SALL3: variants seen among roughly 807,000 people sequenced by gnomAD.
SALL3 encodes sal-like protein 3.
In SALL3, 25 loss-of-function variants were observed where a neutral mutation model predicts 66.2. That is an observed-to-expected ratio of 0.38 (90% CI 0.28 to 0.53). SALL3 has a LOEUF of 0.53. SALL3 is among the 20% of genes least tolerant of loss of function. SALL3 has a pLI of 0.85. For missense variants in SALL3, 2,194 were observed against 1,916.5 expected (o/e 1.14, Z -2.70); for synonymous variants, 1,152 against 899.1 (o/e 1.28, Z -5.03).
intron 1 of SALL3, among the ~76,000 whole-genome samples, chr18:78,985,497 G>A (rs759199753): frequency 3.9e-5 from 6 of 152,176 alleles, no homozygotes; most frequent in Non-Finnish European, 5.9e-5. Context: ...CTGTATACGT[G>A]CAGAGTCACT....
chr18:78,983,998 G>A (rs1337357240), intron 1 of SALL3, among the ~76,000 whole-genome samples: 1 of 152,164 alleles, frequency 6.6e-6, no homozygotes, highest in Admixed American at 6.5e-5. Context: ...AACAGTTCTC[G>A]AATTTTATGT....
In SALL3 at chr18:78,997,289, T is replaced by A. The variant is rs1490444690; in HGVS notation, c.3870T>A (p.Phe1290Leu). ...ETAASRPFTR[F>L]IEDNKEIGIN ...CAGCCAGCCGCCCATTCACGCGGTT[T>A]ATCGAGGATAACAAGGAGATTGGTA... The change falls in exon 3 of 3, where the codon TTT (phenylalanine) becomes TTA (leucine). Residue 1290 changes from phenylalanine (F) to leucine (L), a missense_variant. Physicochemically the swap from Phe to Leu is conservative, Grantham distance 22. Transcript: ENST00000537592. The A allele has an allele frequency of 6.8e-6, 11 of 1,613,872 alleles. No individual in the cohort carries two copies. The East Asian group carries it at 2.5e-4, about 36-fold the overall frequency.
Position 78,983,882 on chromosome 18 carries a change from AAAC to A in SALL3, c.82+3531_82+3533del, listed in dbSNP as rs577565725. ...AAGACTTTGCCAACATTTCTTTTAAAAACAACATTAAAAAACTTAACCTATTTA... is the reference window on the plus strand; with the variant it reads ...AAGACTTTGCCAACATTTCTTTTAAAAACATTAAAAAACTTAACCTATTTA... On this transcript the variant is annotated intron_variant, in intron 1 of 2. Coordinates refer to ENST00000537592, the MANE Select transcript of SALL3 (RefSeq NM_171999.4). Among the ~76,000 whole-genome samples the A allele has an allele frequency of 2.4e-3, 368 of 152,340 alleles. 4 individuals carry two copies. The highest frequency in any genetic ancestry group is 8.4e-3 in the African/African-American group (349 of 41,574).
In SALL3 at chr18:78,992,940, G is replaced by C. The variant is rs917787233; in HGVS notation, c.949G>C (p.Ala317Pro). 2.0e-5 allele frequency: 21 copies of C among 1,064,196 alleles called. No homozygotes were observed. In the African/African-American group the frequency reaches 3.1e-4, roughly 16 times the overall value. The allele number at this position is 1,064,196 out of a possible 1,614,324, so 65.9% of individuals were successfully genotyped here. ...CAGCGCGCCCGCCGCCCCCAGCGCC[G>C]CCCCTGCCCCCGCTGCCCCCGCCCC... ...EPSAPAAPSAAPAPAAPAPAP... is the reference protein window; with the variant it reads ...EPSAPAAPSAPPAPAAPAPAP... The change falls in exon 2 of 3, where the codon GCC (alanine) becomes CCC (proline). Residue 317 changes from alanine to proline, a missense_variant. Physicochemically the swap from Ala to Pro is conservative, Grantham distance 27. Transcript: ENST00000537592.
chr18:78,993,605 C>T lies in SALL3; in HGVS notation c.1614C>T (p.His538=), dbSNP rs773279214. 1 of 1,585,380 alleles carries T rather than the reference C, an allele frequency of 6.3e-7. No individual in the cohort carries two copies. Among genetic ancestry groups the T allele is most frequent in the Non-Finnish European group, 8.5e-7 (1 of 1,173,130 alleles). The change falls in exon 2 of 3, where the codon CAC becomes CAT. Residue 538 remains histidine (H), a synonymous_variant. Coordinates refer to ENST00000537592, the MANE Select transcript of SALL3 (RefSeq NM_171999.4). Reference sequence around the variant, plus strand: ...TGCCGCCCACTGTCCCTGGCGCGCACGGCTACGCCGACTCTCCCAGCGCCA... The same window carrying T: ...TGCCGCCCACTGTCCCTGGCGCGCATGGCTACGCCGACTCTCCCAGCGCCA... ...LQLPPTVPGA[H]GYADSPSATP...
rs1599178664 is a variant in SALL3 at position 78,992,666 on chromosome 18, G to C, written c.675G>C (p.Gln225His). ...QQIHQLQLIE[Q>H]IRSQVALMQR... ...TCCACCAGCTGCAGCTCATCGAGCA[G>C]ATCCGCAGCCAGGTGGCCCTCATGC... is the stretch of plus-strand genomic sequence containing the variant. The change falls in exon 2 of 3, where the codon CAG becomes CAC. Residue 225 changes from glutamine to histidine, a missense_variant. Gln to His is a conservative substitution (Grantham distance 24). Coordinates refer to ENST00000537592, the MANE Select transcript of SALL3 (RefSeq NM_171999.4). The C allele has an allele frequency of 1.3e-6, 2 of 1,541,430 alleles. No homozygotes were observed. Among genetic ancestry groups the C allele is most frequent in the Non-Finnish European group, 1.7e-6 (2 of 1,149,672 alleles).
chr18:78,983,344 G>C (rs919633553), intron 1 of SALL3, among the ~76,000 whole-genome samples: 4 of 152,000 alleles, frequency 2.6e-5, no homozygotes, highest in African/African-American at 9.7e-5. Context: ...TGCCCACTAA[G>C]AACTTTAAAA....
rs1430977735 is a variant in SALL3, at chr18:78,980,356, G to T, written c.82G>T (p.Ala28Ser). 5 of 1,432,836 alleles carry T rather than the reference G, an allele frequency of 3.5e-6. No homozygotes were observed. The highest frequency in any genetic ancestry group is 1.3e-5 in the South Asian group (1 of 75,020). The allele number at this position is 1,432,836 out of a possible 1,614,324, so 88.8% of individuals were successfully genotyped here. Reference protein sequence around the residue: ...LLPPDGAPEHAAPGEGAEDAD... With the variant: ...LLPPDGAPEHSAPGEGAEDAD... ...GCCGCCTGACGGGGCTCCCGAGCAC[G>T]GTGAGGGCCGGGGCTGCGGGGTGGC... Residue 28 changes from alanine to serine, a missense_variant and splice_region_variant, in exon 1 of 3, where the codon GCC (alanine) becomes TCC (serine). Coordinates refer to ENST00000537592, the MANE Select transcript of SALL3 (RefSeq NM_171999.4).
chr18:78,996,817 C>T, intron 2 of SALL3, 74 bp from the exon 3 acceptor site: 28 of 1,454,136 alleles, frequency 1.9e-5, no homozygotes, highest in Non-Finnish European at 2.6e-5. Context: ...CCTCTGTCTG[C>T]TGCGCTGGAA....
rs1170109000 is a variant in SALL3 at position 78,998,433 on chromosome 18, T to C, written c.*1111T>C. The stretch of plus-strand genomic sequence containing the variant: ...AAAGCCACCAAGACTTGTCAGCTTT[T>C]CAGTAAAGTAGGGCCTGCCGTTTCT... On this transcript the variant is annotated 3_prime_UTR_variant, in exon 3 of 3. Coordinates refer to ENST00000537592, the MANE Select transcript of SALL3 (RefSeq NM_171999.4). 2 of 151,770 alleles carry C rather than the reference T, an allele frequency of 1.3e-5. No homozygotes were observed. Among genetic ancestry groups the C allele is most frequent in the Non-Finnish European group, 2.9e-5 (2 of 68,016 alleles). The allele number at this position is 151,770 out of a possible 1,614,324, so 9.4% of individuals were successfully genotyped here.
At chr18:78,985,638 T>C (rs1210520882) in intron 1 of SALL3, among the ~76,000 whole-genome samples, 2 of 152,150 alleles carry the variant, frequency 1.3e-5, no homozygotes, top group African/African-American at 4.8e-5. Flanking sequence ...TGATCCCGAG[T>C]GTGAGCGGGC....
chr18:78,979,876 G>T lies in SALL3; in HGVS notation c.-399G>T, dbSNP rs1487328245. Among the ~76,000 whole-genome samples, 1 of 144,182 alleles carries T rather than the reference G, an allele frequency of 6.9e-6. No individual in the cohort carries two copies. Among genetic ancestry groups the T allele is most frequent in the African/African-American group, 2.5e-5 (1 of 40,262 alleles). The allele number at this position is 144,182 out of a possible 152,430, so 94.6% of individuals were successfully genotyped here. A position where few individuals can be genotyped will look rare whatever the true frequency, so the allele number is the denominator to read the frequency against. ...GCTGCCTGCGCCCTGCGGAGGGACG[G>T]CCACCGCGGCCCGCGCCGCACCCGG... On this transcript the variant is annotated 5_prime_UTR_variant, in exon 1 of 3. Coordinates refer to ENST00000537592, the MANE Select transcript of SALL3 (RefSeq NM_171999.4).
chr18:78,991,385 G>GC (rs1298243918), intron 1 of SALL3, among the ~76,000 whole-genome samples: 6 of 58,958 alleles, frequency 1.0e-4, no homozygotes, highest in East Asian at 7.6e-4. Flanking sequence ...TACAAGGGTG[G>GC]GGGGGGGGGA....
At chr18:78,982,979 A>T (rs185281121) in intron 1 of SALL3, among the ~76,000 whole-genome samples, 121 of 152,336 alleles carry the variant, frequency 7.9e-4, no homozygotes, top group African/African-American at 2.8e-3. Context: ...TTAAAAAAGA[A>T]TTATGATTTA....
Position 78,993,245 on chromosome 18 carries a change from C to A in SALL3, c.1254C>A (p.Phe418Leu), listed in dbSNP as rs1195686227. 1 of 1,611,066 alleles carries A rather than the reference C, an allele frequency of 6.2e-7. No individual in the cohort carries two copies. The highest frequency in any genetic ancestry group is 8.5e-7 in the Non-Finnish European group (1 of 1,179,714). ...EPKASAEDPF[F>L]KHKCRFCAKV... Reference sequence around the variant, plus strand: ...AAGCCAGCGCCGAGGACCCGTTCTTCAAGCACAAATGCCGCTTCTGCGCCA... The same window carrying A: ...AAGCCAGCGCCGAGGACCCGTTCTTAAAGCACAAATGCCGCTTCTGCGCCA... Residue 418 changes from phenylalanine (F) to leucine (L), a missense_variant, in exon 2 of 3, where the codon TTC (phenylalanine) becomes TTA (leucine). Phe to Leu is a conservative substitution (Grantham distance 22). Coordinates refer to ENST00000537592, the MANE Select transcript of SALL3 (RefSeq NM_171999.4).
chr18:78,993,167 G>A lies in SALL3; in HGVS notation c.1176G>A (p.Ala392=), dbSNP rs1168152761. The part of the protein sequence containing the change: ...ATANALDPLS[A]LMKHRKGKPP... ...CCAACGCTCTGGACCCGCTGTCCGC[G>A]CTCATGAAGCACCGCAAGGGCAAGC... The change falls in exon 2 of 3, where the codon GCG becomes GCA. Residue 392 remains alanine (A), a synonymous_variant. Transcript: ENST00000537592. The A allele has an allele frequency of 3.7e-6, 6 of 1,608,266 alleles. No homozygotes were observed. Among genetic ancestry groups the A allele is most frequent in the East Asian group, 2.2e-5 (1 of 44,670 alleles).
Position 78,997,451 on chromosome 18 carries a change from A to G in SALL3, c.*129A>G. ...CAGAAAACACTTTGTGCGGCTGCCG[A>G]GAGGTGGTCTTGTAAGCGCTGCATG... On this transcript the variant is annotated 3_prime_UTR_variant, in exon 3 of 3. Coordinates refer to ENST00000537592, the MANE Select transcript of SALL3 (RefSeq NM_171999.4). 1 of 931,766 alleles carries G rather than the reference A, an allele frequency of 1.1e-6. No individual in the cohort carries two copies. The highest frequency in any genetic ancestry group is 1.6e-6 in the Non-Finnish European group (1 of 617,186). 57.7% of individuals were successfully genotyped at this position (931,766 alleles called of 1,614,324 possible). A position where few individuals can be genotyped will look rare whatever the true frequency, so the allele number is the denominator to read the frequency against.
rs1280969588 is a variant in SALL3 at position 78,995,317 on chromosome 18, C to T, written c.3326C>T (p.Thr1109Met). Residue 1109 changes from threonine (T) to methionine (M), a missense_variant, in exon 2 of 3, where the codon ACG becomes ATG. Coordinates refer to ENST00000537592, the MANE Select transcript of SALL3 (RefSeq NM_171999.4). Reference sequence around the variant, plus strand: ...ATGCTGGCCCCCCCACCGCGCCGGACGCCCAAGCAGCACAACTGCCAGTCG... The same window carrying T: ...ATGCTGGCCCCCCCACCGCGCCGGATGCCCAAGCAGCACAACTGCCAGTCG... ...APMLAPPPRR[T>M]PKQHNCQSCG... The T allele has an allele frequency of 1.9e-6, 3 of 1,568,992 alleles. No homozygotes were observed. Among genetic ancestry groups the T allele is most frequent in the African/African-American group, 1.3e-5 (1 of 74,602 alleles).
Position 78,994,899 on chromosome 18 carries a change from G to A in SALL3, c.2908G>A (p.Glu970Lys), listed in dbSNP as rs556764048. The change falls in exon 2 of 3, where the codon GAG (glutamate) becomes AAG (lysine). Residue 970 changes from glutamate (E) to lysine (K), a missense_variant. Coordinates refer to ENST00000537592, the MANE Select transcript of SALL3 (RefSeq NM_171999.4). ...CTTCAGCCTGCTGTTCCTGAGCAGG[G>A]AGCGGGGTAAGTGTCCCAGCACTGT... is the stretch of plus-strand genomic sequence containing the variant. ...APFSLLFLSR[E>K]RGKCPSTVCG... 5 of 1,612,588 alleles carry A rather than the reference G, an allele frequency of 3.1e-6. No homozygotes were observed. Among genetic ancestry groups the A allele is most frequent in the Non-Finnish European group, 4.2e-6 (5 of 1,179,664 alleles).
Sources: allele counts gnomAD v4.1 joint callset (sites outside exome capture counted in the v4.1 genomes callset), GRCh38; gene constraint gnomAD v4.1.1; transcripts MANE v1.5; gene names NCBI Gene and HGNC (gene_info 2026-07-23, HGNC 2026-07-21).